Variants in GNAI1 observed in about 807,000 individuals in gnomAD.
The protein encoded by GNAI1 is guanine nucleotide-binding protein G(i) subunit alpha-1.
A neutral mutation model predicts 38.9 loss-of-function variants in GNAI1; 11 were observed. The ratio of observed to expected loss-of-function variants is 0.28; its 90% CI spans 0.18 to 0.47. GNAI1 has a LOEUF of 0.47. Among genes scored for constraint, GNAI1 ranks in the 20% least tolerant of loss-of-function variants. The pLI, the probability that GNAI1 is intolerant of heterozygous loss-of-function variation, is 0.99. For synonymous variants in GNAI1, 166 were observed against 145.1 expected (o/e 1.14, Z -1.04); for missense variants, 317 against 436.9 (o/e 0.73, Z 2.45).
At chr7:80,206,317 T>C (rs1199716376) in intron 5 of GNAI1, among the ~76,000 whole-genome samples, 1 of 152,046 alleles carries the variant, frequency 6.6e-6, no homozygotes, top group East Asian at 1.9e-4. Flanking sequence ...ATACATGCTA[T>C]GGTGTTGCAT....
chr7:80,189,375 G>T (rs1284139576), intron 3 of GNAI1, 144 bp downstream of exon 3: 10 of 701,486 alleles, frequency 1.4e-5, no homozygotes, highest in African/African-American at 7.3e-5. Context: ...GTGAAATGAG[G>T]AGCGTTAGAA....
At chr7:80,174,250 A>C (rs1160703497) in intron 1 of GNAI1, among the ~76,000 whole-genome samples, 1 of 152,166 alleles carries the variant, frequency 6.6e-6, no homozygotes, top group African/African-American at 2.4e-5. Flanking sequence ...AAGTAAAAAC[A>C]CACTACTCCA....
intron 1 of GNAI1, among the ~76,000 whole-genome samples, chr7:80,172,134 G>A (rs959864147): frequency 3.0e-4 from 46 of 152,278 alleles, no homozygotes; most frequent in African/African-American, 1.1e-3. Context: ...TCTTAACGTT[G>A]TCCTGGCTAT....
At chr7:80,165,886 C>T (rs941033265) in intron 1 of GNAI1, among the ~76,000 whole-genome samples, 2 of 152,036 alleles carry the variant, frequency 1.3e-5, no homozygotes, top group African/African-American at 2.4e-5. Context: ...AATATTATCT[C>T]GTTTGATCTT....
At chr7:80,170,126 T>C (rs1407229994) in intron 1 of GNAI1, among the ~76,000 whole-genome samples, 1 of 152,218 alleles carries the variant, frequency 6.6e-6, no homozygotes, top group Non-Finnish European at 1.5e-5. Context: ...GCTATAAACA[T>C]TCATGTACAA....
At chr7:80,165,236 A>C (rs1393541761) in intron 1 of GNAI1, among the ~76,000 whole-genome samples, 6 of 152,194 alleles carry the variant, frequency 3.9e-5, no homozygotes, top group Non-Finnish European at 8.8e-5. Context: ...TTCATCTCTC[A>C]GTAATGTTGT....
chr7:80,178,867 T>C (rs1439460291), intron 1 of GNAI1, among the ~76,000 whole-genome samples: 1 of 152,218 alleles, frequency 6.6e-6, no homozygotes, highest in Non-Finnish European at 1.5e-5. Flanking sequence ...AATCAAACTT[T>C]AAGAAGTTAC....
At chr7:80,164,207 G>A (rs1295284538) in intron 1 of GNAI1, among the ~76,000 whole-genome samples, 2 of 151,276 alleles carry the variant, frequency 1.3e-5, no homozygotes, top group Non-Finnish European at 2.9e-5. Flanking sequence ...ACCACATCCA[G>A]CTAATTTTTG....
chr7:80,182,993 C>G (rs1490977226), intron 1 of GNAI1, among the ~76,000 whole-genome samples: 1 of 152,144 alleles, frequency 6.6e-6, no homozygotes, highest in Non-Finnish European at 1.5e-5. Context: ...CCCATGAAGT[C>G]AAGTTCCTAC....
At chr7:80,168,285 A>G (rs1788045128) in intron 1 of GNAI1, among the ~76,000 whole-genome samples, 1 of 152,184 alleles carries the variant, frequency 6.6e-6, no homozygotes, top group Non-Finnish European at 1.5e-5. Context: ...ATGTATTAGA[A>G]ACAAGCCCCC....
At chr7:80,173,905 G>T (rs1211750115) in intron 1 of GNAI1, among the ~76,000 whole-genome samples, 1 of 152,106 alleles carries the variant, frequency 6.6e-6, no homozygotes, top group Non-Finnish European at 1.5e-5. Context: ...AATTAGAGGT[G>T]CCTTGATTGG....
intron 1 of GNAI1, among the ~76,000 whole-genome samples, chr7:80,166,853 A>G (rs1788018141): frequency 6.6e-6 from 1 of 152,226 alleles, no homozygotes; most frequent in African/African-American, 2.4e-5. Flanking sequence ...CTTCCCAAGC[A>G]GGTTCCAGGT....
At chr7:80,215,836 A>T (rs922423900) in intron 7 of GNAI1, among the ~76,000 whole-genome samples, 1 of 152,172 alleles carries the variant, frequency 6.6e-6, no homozygotes, top group Non-Finnish European at 1.5e-5. Flanking sequence ...AATTTTGAGC[A>T]AATGTGAAGG....
intron 1 of GNAI1, among the ~76,000 whole-genome samples, chr7:80,149,628 C>T (rs942076359): frequency 6.6e-6 from 1 of 152,034 alleles, no homozygotes; most frequent in Non-Finnish European, 1.5e-5. Context: ...TTAATGTGCT[C>T]CATTTTGAGA....
At chr7:80,168,728 T>C (rs1445662544) in intron 1 of GNAI1, among the ~76,000 whole-genome samples, 1 of 152,210 alleles carries the variant, frequency 6.6e-6, no homozygotes, top group Non-Finnish European at 1.5e-5. Context: ...TACAGTCACA[T>C]TGTTGTTCAC....
intron 1 of GNAI1, chr7:80,136,026 G>A: frequency 2.0e-6 from 2 of 985,484 alleles, no homozygotes; most frequent in Non-Finnish European, 2.4e-6. Flanking sequence ...CCAGACAACA[G>A]GGTTCTGTCT....
chr7:80,160,012 T>C (rs62460733), intron 1 of GNAI1, among the ~76,000 whole-genome samples: 15,173 of 152,202 alleles, frequency 0.1, 806 homozygotes, highest in African/African-American at 0.11. Context: ...ACTTATTAAC[T>C]ATCAGTAAAT....
At chr7:80,206,851 T>C (rs1157557385) in intron 5 of GNAI1, among the ~76,000 whole-genome samples, 1 of 152,032 alleles carries the variant, frequency 6.6e-6, no homozygotes, top group East Asian at 1.9e-4. Flanking sequence ...CAAGTAATAA[T>C]AACATAGAAC....
chr7:80,140,767 T>A (rs1787511879), intron 1 of GNAI1, among the ~76,000 whole-genome samples: 1 of 152,208 alleles, frequency 6.6e-6, no homozygotes, highest in Non-Finnish European at 1.5e-5. Flanking sequence ...ACCATAAACG[T>A]AGTGACAACA....
Sources: allele counts gnomAD v4.1 joint callset (sites outside exome capture counted in the v4.1 genomes callset), GRCh38; gene constraint gnomAD v4.1.1; transcripts MANE v1.5; gene names NCBI Gene and HGNC (gene_info 2026-07-23, HGNC 2026-07-21).